The following BAZ2B variants were observed in gnomAD, a reference collection of about 807,000 sequenced individuals.
The protein encoded by BAZ2B is bromodomain adjacent to zinc finger domain protein 2B.
BAZ2B carries 91 observed loss-of-function variants against 246.0 expected under a neutral mutation model. The ratio of observed to expected loss-of-function variants is 0.37; its 90% CI spans 0.31 to 0.44. BAZ2B has a LOEUF of 0.44. BAZ2B is among the 20% of genes least tolerant of loss of function. The probability of loss-of-function intolerance (pLI) is 1.00; values close to 1 mark genes in which losing one functional copy is unlikely to be tolerated. For synonymous variants in BAZ2B, 855 were observed against 860.0 expected (o/e 0.99, Z 0.10); for missense variants, 2,332 against 2,533.7 (o/e 0.92, Z 1.71).
At chr2:159,622,354 A>G in the BAZ2B span, among the ~76,000 whole-genome samples, 1 of 152,044 alleles carries the variant, frequency 6.6e-6, no homozygotes, top group Non-Finnish European at 1.5e-5. Context: ...ATCTGCTCCA[A>G]AAATAAAACT....
At chr2:159,430,555 TG>T (rs2070897527) in intron 10 of BAZ2B, among the ~76,000 whole-genome samples, 2 of 152,144 alleles carry the variant, frequency 1.3e-5, no homozygotes, top group African/African-American at 4.8e-5. Context: ...AAGGGTCAAC[TG>T]TACAAAAAAG....
intron 2 of BAZ2B, among the ~76,000 whole-genome samples, chr2:159,526,593 A>G (rs1457085417): frequency 1.3e-5 from 2 of 152,176 alleles, no homozygotes; most frequent in African/African-American, 4.8e-5. Flanking sequence ...ACTTGAGGGA[A>G]GTGAAGGTTT....
At chr2:159,585,211 G>A (rs1687765423) in intron 1 of BAZ2B, among the ~76,000 whole-genome samples, 1 of 152,190 alleles carries the variant, frequency 6.6e-6, no homozygotes. Context: ...TTTTGACACT[G>A]AACATGTTAA....
intron 1 of BAZ2B, among the ~76,000 whole-genome samples, chr2:159,562,831 C>T (rs2090009049): frequency 6.6e-6 from 1 of 151,920 alleles, no homozygotes; most frequent in South Asian, 2.1e-4. Context: ...TGGTCCTGTC[C>T]ACAAATGCCA....
At chr2:159,698,657 T>C in the BAZ2B span, among the ~76,000 whole-genome samples, 1 of 152,106 alleles carries the variant, frequency 6.6e-6, no homozygotes, top group Non-Finnish European at 1.5e-5. Flanking sequence ...TGCTACTTCA[T>C]ATATTAAGAA....
chr2:159,325,117 T>TTTA (rs2063473212), intron 35 of BAZ2B, among the ~76,000 whole-genome samples, 163 bp from the exon 36 acceptor site: 2 of 3,402 alleles, frequency 5.9e-4, no homozygotes, highest in African/African-American at 1.3e-3. Flanking sequence ...TATATATATT[T>TTTA]TATATATATA....
At chr2:159,380,635 A>G (rs533858558) in intron 25 of BAZ2B, among the ~76,000 whole-genome samples, 1 of 152,160 alleles carries the variant, frequency 6.6e-6, no homozygotes, top group African/African-American at 2.4e-5. Flanking sequence ...TATGGACCTG[A>G]ACTATTTGCG....
chr2:159,491,651 G>T (rs2151024339), intron 2 of BAZ2B, among the ~76,000 whole-genome samples: 1 of 139,414 alleles, frequency 7.2e-6, no homozygotes, highest in East Asian at 2.1e-4. Flanking sequence ...AACCCGGGAG[G>T]CGGAGCTTGC....
intron 1 of BAZ2B, among the ~76,000 whole-genome samples, chr2:159,587,791 G>A (rs1469108708): frequency 1.3e-5 from 2 of 152,084 alleles, no homozygotes; most frequent in Non-Finnish European, 2.9e-5. Context: ...AAGTAACCAC[G>A]TTATTCATCT....
intron 2 of BAZ2B, among the ~76,000 whole-genome samples, chr2:159,527,804 T>TAGG (rs1331502764): frequency 2.6e-5 from 4 of 152,342 alleles, no homozygotes; most frequent in African/African-American, 9.6e-5. Flanking sequence ...TTTATTTCAC[T>TAGG]ATTTTCAGTG....
At chr2:159,587,753 T>C (rs1343872518) in intron 1 of BAZ2B, among the ~76,000 whole-genome samples, 2 of 152,180 alleles carry the variant, frequency 1.3e-5, no homozygotes, top group African/African-American at 4.8e-5. Context: ...ATGACTGTTT[T>C]CCCCTACTAG....
the BAZ2B span, among the ~76,000 whole-genome samples, chr2:159,657,875 A>G: frequency 2.6e-5 from 4 of 152,192 alleles, no homozygotes; most frequent in Admixed American, 1.3e-4. Flanking sequence ...TAAATCTGCA[A>G]ACAAAGACAG....
upstream of BAZ2B, among the ~76,000 whole-genome samples, chr2:159,617,258 A>C (rs1346391338): frequency 6.6e-6 from 1 of 152,162 alleles, no homozygotes; most frequent in East Asian, 1.9e-4. Context: ...CTACAAATGC[A>C]GTCATATGCT....
chr2:159,421,303 G>A (rs1382174124), intron 13 of BAZ2B, among the ~76,000 whole-genome samples: 1 of 151,924 alleles, frequency 6.6e-6, no homozygotes, highest in Non-Finnish European at 1.5e-5. Context: ...GCCTCCCAGG[G>A]AGGTGGGACT....
At chr2:159,326,041 G>T in intron 34 of BAZ2B, 123 bp from the exon 35 acceptor site, 1 of 802,132 alleles carries the variant, frequency 1.2e-6, no homozygotes, top group South Asian at 2.3e-5. Flanking sequence ...CTAGAATGTT[G>T]ATAACTATTA....
intron 34 of BAZ2B, among the ~76,000 whole-genome samples, chr2:159,327,555 T>TA (rs1457719248): frequency 6.6e-6 from 1 of 152,212 alleles, no homozygotes; most frequent in East Asian, 1.9e-4. Context: ...GGTTTTTATA[T>TA]TACACTGAGC....
chr2:159,456,500 C>CT (rs2150522093), intron 3 of BAZ2B, among the ~76,000 whole-genome samples: 1 of 152,052 alleles, frequency 6.6e-6, no homozygotes, highest in South Asian at 2.1e-4. Context: ...ACAAAAAGTT[C>CT]TTTTTTAACT....
chr2:159,679,047 C>A, the BAZ2B span, among the ~76,000 whole-genome samples: 4 of 151,926 alleles, frequency 2.6e-5, no homozygotes, highest in African/African-American at 9.7e-5. Flanking sequence ...CCGAGGCGGG[C>A]GGATCACGAG....
chr2:159,551,148 T>C (rs2088133730), intron 2 of BAZ2B, among the ~76,000 whole-genome samples: 1 of 151,600 alleles, frequency 6.6e-6, no homozygotes, highest in South Asian at 2.1e-4. Flanking sequence ...CAAGAAATTT[T>C]AATAAAAACA....
Sources: gnomAD v4.1 joint callset for allele counts (sites outside exome capture counted in the v4.1 genomes callset) on GRCh38, gnomAD v4.1.1 for gene constraint, MANE v1.5 for transcripts, NCBI Gene and HGNC (gene_info 2026-07-23, HGNC 2026-07-21) for gene names.